The following FMN2 variants were observed in gnomAD, a reference collection of about 807,000 sequenced individuals.
FMN2 encodes formin-2.
A neutral mutation model predicts 142.3 loss-of-function variants in FMN2; 51 were observed. The observed-to-expected ratio is 0.36, with a 90% confidence interval of 0.29 to 0.45. The LOEUF is 0.45. Among genes scored for constraint, FMN2 ranks in the 20% least tolerant of loss-of-function variants. FMN2 has a pLI of 1.00. For synonymous variants in FMN2, 882 were observed against 869.8 expected, an observed-to-expected ratio of 1.01 and a Z score of -0.25; for missense variants, 1,936 against 2,122.8, an observed-to-expected ratio of 0.91 and a Z score of 1.73.
At chr1:240,254,955 C>T (rs552623010) in intron 6 of FMN2, among the ~76,000 whole-genome samples, 4 of 152,132 alleles carry the variant, frequency 2.6e-5, no homozygotes, top group South Asian at 2.1e-4. Context: ...ACTCAGTGCG[C>T]GCTCCCTCTG....
intron 16 of FMN2, among the ~76,000 whole-genome samples, chr1:240,455,582 G>T (rs1362360269): frequency 2.6e-5 from 4 of 152,092 alleles, no homozygotes; most frequent in Admixed American, 6.6e-5. Flanking sequence ...GGAGGCTGAG[G>T]TGGGAGGATC....
intron 2 of FMN2, among the ~76,000 whole-genome samples, chr1:240,125,652 A>C (rs997756944): frequency 6.6e-6 from 1 of 152,218 alleles, no homozygotes; most frequent in Non-Finnish European, 1.5e-5. Flanking sequence ...CCCAGAAGTG[A>C]ACAGTCTTGC....
chr1:240,117,958 G>A (rs1662088627), intron 1 of FMN2, among the ~76,000 whole-genome samples: 1 of 152,130 alleles, frequency 6.6e-6, no homozygotes, highest in Non-Finnish European at 1.5e-5. Context: ...CTTCAGAAAG[G>A]GTATTAGGAA....
At chr1:240,394,097 A>G (rs1447588597) in intron 15 of FMN2, among the ~76,000 whole-genome samples, 1 of 152,172 alleles carries the variant, frequency 6.6e-6, no homozygotes, top group Non-Finnish European at 1.5e-5. Flanking sequence ...CTCAGCAGCA[A>G]GCAGCTGGTG....
chr1:240,463,698 G>T (rs901474203), intron 16 of FMN2, among the ~76,000 whole-genome samples: 1 of 152,172 alleles, frequency 6.6e-6, no homozygotes, highest in African/African-American at 2.4e-5. Context: ...GGATAAGTGA[G>T]TTGTCAAGAA....
intron 1 of FMN2, among the ~76,000 whole-genome samples, chr1:240,107,431 T>C (rs1415570329): frequency 1.3e-5 from 2 of 152,322 alleles, no homozygotes; most frequent in Non-Finnish European, 2.9e-5. Flanking sequence ...CAAGTGATTT[T>C]AGAAGCTGCC....
At chr1:240,115,870 A>G (rs76704718) in intron 1 of FMN2, among the ~76,000 whole-genome samples, 3,111 of 152,274 alleles carry the variant, frequency 0.02, 56 homozygotes, top group Non-Finnish European at 0.035. Flanking sequence ...TTTTATGGCT[A>G]TTTCTTGATC....
chr1:240,124,320 A>G (rs1662413043), intron 2 of FMN2, among the ~76,000 whole-genome samples: 1 of 152,104 alleles, frequency 6.6e-6, no homozygotes, highest in South Asian at 2.1e-4. Flanking sequence ...CATGGGCCCT[A>G]CGATGCTATT....
At chr1:240,416,173 G>T (rs1340548476) in intron 15 of FMN2, among the ~76,000 whole-genome samples, 1 of 151,696 alleles carries the variant, frequency 6.6e-6, no homozygotes, top group African/African-American at 2.4e-5. Context: ...CTCCCTTCTA[G>T]CCATTAATAC....
intron 6 of FMN2, among the ~76,000 whole-genome samples, chr1:240,213,323 A>T (rs1666764724): frequency 6.6e-6 from 1 of 151,496 alleles, no homozygotes; most frequent in South Asian, 2.1e-4. Context: ...CTCCATCATG[A>T]CTCCAGATAA....
At chr1:240,113,472 C>T (rs980335892) in intron 1 of FMN2, among the ~76,000 whole-genome samples, 16 of 147,596 alleles carry the variant, frequency 1.1e-4, no homozygotes, top group Admixed American at 9.0e-4. Context: ...GCAGGAGAAT[C>T]GCTTGAACCG....
rs570095691 is a variant in FMN2, at chr1:240,426,609, G to C, written c.4911-11452G>C. 1.4e-4 allele frequency among the ~76,000 whole-genome samples: 22 copies of C among 152,224 alleles called. No homozygotes were observed. The South Asian group carries it at 4.6e-3, about 32-fold the overall frequency. ...CAACTTCAACAACTATCAATTTGTA[G>C]TCAATTTGGTTTCCTCTATAACCCT... is the stretch of plus-strand genomic sequence containing the variant. On this transcript the variant is annotated intron_variant, in intron 15 of 17. Transcript: ENST00000319653.
At chr1:240,210,949 A>AT in intron 5 of FMN2, 142 bp from the exon 6 acceptor site, 2 of 656,630 alleles carry the variant, frequency 3.0e-6, no homozygotes, top group East Asian at 3.0e-5. Context: ...GAAAAAGAAT[A>AT]TTTTTTCCTT....
intron 16 of FMN2, among the ~76,000 whole-genome samples, chr1:240,439,966 A>G (rs1675552701): frequency 6.6e-6 from 1 of 152,186 alleles, no homozygotes; most frequent in Non-Finnish European, 1.5e-5. Context: ...AAGGTTCAAA[A>G]TGAAAAGAGT....
At chr1:240,120,000 A>G (rs1662170823) in intron 1 of FMN2, among the ~76,000 whole-genome samples, 11 of 152,182 alleles carry the variant, frequency 7.2e-5, no homozygotes, top group Admixed American at 7.2e-4. Context: ...ATGCAGGCAA[A>G]CTGAAGTTCT....
At chr1:240,330,009 C>T (rs1032941348) in intron 10 of FMN2, among the ~76,000 whole-genome samples, 3 of 152,082 alleles carry the variant, frequency 2.0e-5, no homozygotes, top group African/African-American at 4.8e-5. Flanking sequence ...GTTCTAGTTG[C>T]GGTAAATCAT....
At chr1:240,375,671 A>G (rs1289085011) in intron 14 of FMN2, among the ~76,000 whole-genome samples, 2 of 152,192 alleles carry the variant, frequency 1.3e-5, no homozygotes, top group African/African-American at 4.8e-5. Context: ...ATGGCTTTCT[A>G]CTTTCTATCC....
chr1:240,117,266 T>C (rs6656902), intron 1 of FMN2, among the ~76,000 whole-genome samples: 17,419 of 152,122 alleles, frequency 0.11, 1,215 homozygotes, highest in African/African-American at 0.19. Flanking sequence ...GAAGAACGGG[T>C]CAGGTGGGGA....
intron 14 of FMN2, among the ~76,000 whole-genome samples, chr1:240,361,640 A>G (rs544625056): frequency 3.3e-5 from 5 of 152,314 alleles, no homozygotes; most frequent in East Asian, 3.9e-4. Context: ...GAGATAGAGA[A>G]TATGCATAGA....
Sources: gnomAD v4.1 joint callset for allele counts (sites outside exome capture counted in the v4.1 genomes callset) on GRCh38, gnomAD v4.1.1 for gene constraint, MANE v1.5 for transcripts, NCBI Gene and HGNC (gene_info 2026-07-23, HGNC 2026-07-21) for gene names.